Variants in ZFYVE28 observed in about 807,000 individuals in gnomAD.
ZFYVE28 encodes the protein zinc finger FYVE-type containing 28, also known as lateral signaling target protein 2 homolog.
A neutral mutation model predicts 82.1 loss-of-function variants in ZFYVE28; 40 were observed. The observed-to-expected ratio is 0.49, with a 90% confidence interval of 0.38 to 0.63. The LOEUF (loss-of-function observed/expected upper bound fraction) is 0.63, where lower values mean the gene tolerates loss of function less well. Among genes scored for constraint, ZFYVE28 ranks in the 30% least tolerant of loss-of-function variants. The probability of loss-of-function intolerance (pLI) is 0.00; values close to 1 mark genes in which losing one functional copy is unlikely to be tolerated. For missense variants in ZFYVE28, 1,321 were observed against 1,242.1 expected, an observed-to-expected ratio of 1.06 and a Z score of -0.96; for synonymous variants, 612 against 546.1, an observed-to-expected ratio of 1.12 and a Z score of -1.68.
At chr4:2,415,244 C>T (rs1732907776) in intron 1 of ZFYVE28, among the ~76,000 whole-genome samples, 1 of 152,090 alleles carries the variant, frequency 6.6e-6, no homozygotes, top group Non-Finnish European at 1.5e-5. Context: ...TCAGCATTTC[C>T]AATTGCTTTT....
chr4:2,371,502 T>G (rs1269108452), intron 1 of ZFYVE28, among the ~76,000 whole-genome samples: 1 of 152,198 alleles, frequency 6.6e-6, no homozygotes. Context: ...TACTTTATTT[T>G]TATGCATTAT....
rs1290570456 is a variant in ZFYVE28 at position 2,409,842 on chromosome 4, A to G, written c.39+8443T>C. Among the ~76,000 whole-genome samples, 1 of 152,208 alleles carries G rather than the reference A, an allele frequency of 6.6e-6. No individual in the cohort carries two copies. The highest frequency in any genetic ancestry group is 1.5e-5 in the Non-Finnish European group (1 of 68,036). The stretch of plus-strand genomic sequence containing the variant: ...CCAGGACAAGGGCCCTGCCAGCAGC[A>G]CAGGGTGGGAGGAGAGGCTGGGCTG... On this transcript the variant is annotated intron_variant, in intron 1 of 12. Transcript: ENST00000290974. The surrounding 1 kb of genome is among the most constrained non-coding windows in gnomAD (Gnocchi z 4.4).
At chr4:2,355,883 C>T (rs1449604865) in intron 1 of ZFYVE28, among the ~76,000 whole-genome samples, 1 of 152,196 alleles carries the variant, frequency 6.6e-6, no homozygotes, top group Non-Finnish European at 1.5e-5. Context: ...TGGCCTGAAC[C>T]TATTTTTATA....
intron 1 of ZFYVE28, chr4:2,364,815 G>A (rs1386584797): frequency 6.8e-5 from 67 of 985,462 alleles, no homozygotes; most frequent in Non-Finnish European, 7.6e-5. Flanking sequence ...TGGGAATGGC[G>A]GGGGCTGTGT....
rs1049760014 is a variant in ZFYVE28 at position 2,341,969 on chromosome 4, G to T, written c.181-354C>A. Among the ~76,000 whole-genome samples, 5 of 152,196 alleles carry T rather than the reference G, an allele frequency of 3.3e-5. No homozygotes were observed. Among genetic ancestry groups the T allele is most frequent in the African/African-American group, 7.2e-5 (3 of 41,454 alleles). Reference sequence around the variant, plus strand: ...AGGGAGGCAGAGGTTGCAGTGAGCCGAGATGGTGCCATCGCACTCCAGCCA... The same window carrying T: ...AGGGAGGCAGAGGTTGCAGTGAGCCTAGATGGTGCCATCGCACTCCAGCCA... On this transcript the variant is annotated intron_variant, in intron 2 of 12. Transcript: ENST00000290974. The surrounding 1 kb of genome is among the most constrained non-coding windows in gnomAD (Gnocchi z 4.5).
chr4:2,303,261 A>G (rs2108821164), intron 8 of ZFYVE28, among the ~76,000 whole-genome samples: 1 of 152,256 alleles, frequency 6.6e-6, no homozygotes, highest in South Asian at 2.1e-4. Context: ...GGGAGGACCG[A>G]GCACGGGAAG....
At chr4:2,338,418 CTG>C (rs1722202824) in intron 4 of ZFYVE28, among the ~76,000 whole-genome samples, 1 of 152,130 alleles carries the variant, frequency 6.6e-6, no homozygotes, top group Non-Finnish European at 1.5e-5. Flanking sequence ...TGGTAAAACC[CTG>C]TATCTACTGA....
At chr4:2,328,317 A>G (rs2108844367) in intron 6 of ZFYVE28, among the ~76,000 whole-genome samples, 1 of 152,340 alleles carries the variant, frequency 6.6e-6, no homozygotes, top group Non-Finnish European at 1.5e-5. Context: ...GACAAATACC[A>G]TATGTTCTCA....
chr4:2,327,935 G>A lies in ZFYVE28; in HGVS notation c.702-7664C>T, dbSNP rs1218985220. Among the ~76,000 whole-genome samples, 4 of 152,166 alleles carry A rather than the reference G, an allele frequency of 2.6e-5. No homozygotes were observed. The East Asian group carries it at 7.7e-4, about 29-fold the overall frequency. ...GTGTTACCAAGGATGTGGAGAAAAG[G>A]GAACCCTTGCACACCATTGGTAGGA... On this transcript the variant is annotated intron_variant, in intron 6 of 12. Coordinates refer to ENST00000290974, the MANE Select transcript of ZFYVE28 (RefSeq NM_020972.3).
Position 2,270,385 on chromosome 4 carries a change from C to A in ZFYVE28, c.*340G>T. On this transcript the variant is annotated 3_prime_UTR_variant, in exon 13 of 13. Transcript: ENST00000290974. ...GAGTGGCCCCACTCTTGTCCACCTC[C>A]ATCACCCGCCCCGATTCCCATAGCC... The A allele has an allele frequency of 2.9e-6, 1 of 341,920 alleles. No homozygotes were observed. Among genetic ancestry groups the A allele is most frequent in the Admixed American group, 4.3e-5 (1 of 23,106 alleles). The allele number at this position is 341,920 out of a possible 1,614,324, so 21.2% of individuals were successfully genotyped here.
intron 6 of ZFYVE28, chr4:2,330,059 C>T (rs1578115680): frequency 6.2e-6 from 1 of 160,628 alleles, no homozygotes; most frequent in South Asian, 2.0e-4. Context: ...ACCCAATAGC[C>T]AAATCTATAG....
At chr4:2,393,639 C>G (rs1382311688) in intron 1 of ZFYVE28, among the ~76,000 whole-genome samples, 1 of 152,224 alleles carries the variant, frequency 6.6e-6, no homozygotes, top group Admixed American at 6.5e-5. Flanking sequence ...ATAAAAAGGA[C>G]ATCATGCATA....
intron 5 of ZFYVE28, among the ~76,000 whole-genome samples, chr4:2,336,840 G>A (rs1721833703): frequency 6.7e-6 from 1 of 148,424 alleles, no homozygotes; most frequent in Non-Finnish European, 1.5e-5. Context: ...TGAGGAGTGA[G>A]GAGGTGAGGA....
intron 1 of ZFYVE28, among the ~76,000 whole-genome samples, chr4:2,413,558 C>T (rs1272976838): frequency 2.0e-5 from 3 of 152,216 alleles, no homozygotes; most frequent in Non-Finnish European, 2.9e-5. Flanking sequence ...GGAGCACCGC[C>T]GGGCTCAGCC....
At chr4:2,404,524 A>G (rs1328189154) in intron 1 of ZFYVE28, among the ~76,000 whole-genome samples, 1 of 111,684 alleles carries the variant, frequency 9.0e-6, no homozygotes, top group Admixed American at 1.0e-4. Context: ...TCAGCCATAA[A>G]AATGAAATGC....
At chr4:2,294,099 T>A (rs1234791533) in intron 8 of ZFYVE28, among the ~76,000 whole-genome samples, 3 of 151,776 alleles carry the variant, frequency 2.0e-5, no homozygotes, top group Non-Finnish European at 4.4e-5. Context: ...TGGTAAAAGT[T>A]GACAACCCTA....
At chr4:2,313,773 T>G (rs973240162) in intron 7 of ZFYVE28, among the ~76,000 whole-genome samples, 1 of 149,486 alleles carries the variant, frequency 6.7e-6, no homozygotes, top group African/African-American at 2.5e-5. Context: ...GAGCCTGGGT[T>G]GCAATTCAGA....
At chr4:2,398,280 T>C (rs1456373450) in intron 1 of ZFYVE28, among the ~76,000 whole-genome samples, 2 of 152,052 alleles carry the variant, frequency 1.3e-5, no homozygotes, top group South Asian at 2.1e-4. Flanking sequence ...TGGGTGGTCA[T>C]GGTGGGCTGC....
chr4:2,327,236 C>A (rs1719965886), intron 6 of ZFYVE28, among the ~76,000 whole-genome samples: 2 of 115,416 alleles, frequency 1.7e-5, no homozygotes, highest in South Asian at 2.8e-4. Flanking sequence ...GGTGACGGAG[C>A]AAGACTCCAT....
Sources: gnomAD v4.1 joint callset for allele counts (sites outside exome capture counted in the v4.1 genomes callset) on GRCh38, gnomAD v4.1.1 for gene constraint, Gnocchi (gnomAD v3.1) non-coding constraint, MANE v1.5 for transcripts, NCBI Gene and HGNC (gene_info 2026-07-23, HGNC 2026-07-21) for gene names.